AKAP9: variants seen among roughly 807,000 people sequenced by gnomAD.
AKAP9 encodes A-kinase anchoring protein 9, also known as A-kinase anchor protein 9.
AKAP9 carries 311 observed loss-of-function variants against 488.5 expected under a neutral mutation model. That is an observed-to-expected ratio of 0.64 (90% CI 0.58 to 0.70). The LOEUF (loss-of-function observed/expected upper bound fraction) is 0.70. Among genes scored for constraint, AKAP9 ranks in the 30% least tolerant of loss-of-function variants. The probability of loss-of-function intolerance (pLI) is 0.00; values close to 1 mark genes in which losing one functional copy is unlikely to be tolerated. For missense variants in AKAP9, 4,215 were observed against 4,374.5 expected, an observed-to-expected ratio of 0.96 and a Z score of 1.03; for synonymous variants, 1,462 against 1,483.5, an observed-to-expected ratio of 0.99 and a Z score of 0.33.
chr7:91,978,423 A>C (rs1010822462), intron 2 of AKAP9, among the ~76,000 whole-genome samples: 3 of 151,634 alleles, frequency 2.0e-5, no homozygotes, highest in African/African-American at 7.3e-5. Flanking sequence ...GAAAGGAGAC[A>C]GTGACAGTTA....
At chr7:91,985,126 C>T (rs1231556494) in intron 3 of AKAP9, among the ~76,000 whole-genome samples, 1 of 152,156 alleles carries the variant, frequency 6.6e-6, no homozygotes, top group Non-Finnish European at 1.5e-5. Flanking sequence ...GTCTGATTGC[C>T]CTGGCCAGAA....
At chr7:91,978,932 ATTTTTTTTTTTTTTTTTTTT>A (rs34097770) in intron 2 of AKAP9, among the ~76,000 whole-genome samples, 1 of 90,380 alleles carries the variant, frequency 1.1e-5, no homozygotes, top group African/African-American at 4.2e-5. Context: ...TAGTTTTTGT[ATTTTTTTTTTTTTTTTTTTT>A]TTTTTAGTAA....
In AKAP9 at chr7:92,097,722, T is replaced by C; in HGVS notation, c.10535T>C (p.Leu3512Ser). The stretch of plus-strand genomic sequence containing the variant: ...GGAGGAACCGGCTGTAATCATGAAT[T>C]AGAAATGATCAGACAAAAGCTTCAA... ...NGGGTGCNHE[L>S]EMIRQKLQCV... The change falls in exon 42 of 50, where the codon TTA becomes TCA. Residue 3512 changes from leucine to serine, a missense_variant. Coordinates refer to ENST00000356239, the MANE Select transcript of AKAP9 (RefSeq NM_005751.5). 6.2e-7 allele frequency: 1 copy of C among 1,614,176 alleles called. No homozygotes were observed. Among genetic ancestry groups the C allele is most frequent in the Non-Finnish European group, 8.5e-7 (1 of 1,180,028 alleles).
intron 20 of AKAP9, chr7:92,043,474 A>T (rs914569698): frequency 5.1e-5 from 19 of 371,514 alleles, no homozygotes; most frequent in African/African-American, 4.2e-4. Flanking sequence ...ACTATGCAGT[A>T]TTTAATTTCT....
chr7:92,041,179 C>T, intron 18 of AKAP9: 1 of 380,286 alleles, frequency 2.6e-6, no homozygotes, highest in Non-Finnish European at 4.7e-6. Context: ...GGAAAAGTGG[C>T]TACACGGTTT....
intron 1 of AKAP9, among the ~76,000 whole-genome samples, chr7:91,960,575 T>C (rs555792619): frequency 6.6e-6 from 1 of 152,338 alleles, no homozygotes; most frequent in South Asian, 2.1e-4. Context: ...TTAAATTAAA[T>C]TTTTTCTGTG....
chr7:92,074,674 A>C (rs1405302591), intron 28 of AKAP9, among the ~76,000 whole-genome samples: 1 of 152,204 alleles, frequency 6.6e-6, no homozygotes, highest in East Asian at 1.9e-4. Flanking sequence ...ATGGAATACT[A>C]TGAAGCCACA....
intron 1 of AKAP9, among the ~76,000 whole-genome samples, chr7:91,948,466 G>A (rs546930413): frequency 5.5e-4 from 83 of 151,086 alleles, no homozygotes; most frequent in Admixed American, 1.6e-3. Context: ...TTGTTTGTTT[G>A]TTTTGTTTTT....
At chr7:92,014,751 T>G (rs1397362926) in intron 10 of AKAP9, among the ~76,000 whole-genome samples, 1 of 152,258 alleles carries the variant, frequency 6.6e-6, no homozygotes, top group Non-Finnish European at 1.5e-5. Flanking sequence ...CCTTCAGAAC[T>G]GTGCCTAGAA....
At chr7:91,988,054 C>T (rs1797314321) in intron 3 of AKAP9, among the ~76,000 whole-genome samples, 2 of 151,780 alleles carry the variant, frequency 1.3e-5, no homozygotes, top group Non-Finnish European at 2.9e-5. Context: ...GTGGCGGGCA[C>T]ATGTAGTCCC....
Position 92,022,282 on chromosome 7 carries a change from A to C in AKAP9, c.3882A>C (p.Glu1294Asp). 2 of 1,613,758 alleles carry C rather than the reference A, an allele frequency of 1.2e-6. No individual in the cohort carries two copies. The highest frequency in any genetic ancestry group is 1.1e-5 in the South Asian group (1 of 91,080). The part of the protein sequence containing the change: ...QTDGMKLEFG[E>D]ENLPKEETEF... ...ATGGTATGAAACTTGAATTTGGAGAAGAAAACCTTCCAAAAGAGGAAACAG... is the reference window on the plus strand; with the variant it reads ...ATGGTATGAAACTTGAATTTGGAGACGAAAACCTTCCAAAAGAGGAAACAG... Residue 1294 changes from glutamate to aspartate, a missense_variant, in exon 13 of 50, where the codon GAA becomes GAC. Physicochemically the swap from Glu to Asp is conservative, Grantham distance 45. Transcript: ENST00000356239.
rs998380698 is a variant in AKAP9, at chr7:91,967,256, A to G, written c.49-6455A>G. 2.5e-4 allele frequency among the ~76,000 whole-genome samples: 38 copies of G among 152,140 alleles called. 1 individual carries two copies. The highest frequency in any genetic ancestry group is 1.2e-4 in the Non-Finnish European group (8 of 68,022). ...TTTTCTAAGTATAAGATCATATTGT[A>G]TGCAAATAAGGCTAAATTGACCTTT... On this transcript the variant is annotated intron_variant, in intron 1 of 49. Transcript: ENST00000356239.
intron 46 of AKAP9, among the ~76,000 whole-genome samples, 155 bp downstream of exon 46, chr7:92,102,981 T>C (rs891621809): frequency 7.9e-5 from 12 of 152,080 alleles, no homozygotes; most frequent in African/African-American, 2.9e-4. Context: ...TTTTTCTAGG[T>C]TTTCATTCAT....
intron 5 of AKAP9, 67 bp downstream of exon 5, chr7:91,993,122 A>G: frequency 6.4e-7 from 1 of 1,562,834 alleles, no homozygotes; most frequent in Non-Finnish European, 8.8e-7. Context: ...TGTGAATAAT[A>G]GTAGTCTTTA....
rs765144371 is a variant in AKAP9 at position 92,079,280 on chromosome 7, A to T, written c.7147A>T (p.Ser2383Cys). Residue 2383 changes from serine (S) to cysteine (C), a missense_variant, in exon 31 of 50, where the codon AGT becomes TGT. This residue lies in a region of AKAP9 where 1,476 missense variants were observed against 1,477.4 expected (regional missense o/e 1.00). Coordinates refer to ENST00000356239, the MANE Select transcript of AKAP9 (RefSeq NM_005751.5). ...TCATTCCCTCTCAGAAGAAGCAGAC[A>T]GTTTAAAACATCAATTGGATGTGGT... ...NAHSLSEEAD[S>C]LKHQLDVVIA... 1.2e-6 allele frequency: 2 copies of T among 1,614,006 alleles called. No individual in the cohort carries two copies. The highest frequency in any genetic ancestry group is 2.7e-5 in the African/African-American group (2 of 74,940).
At position 92,045,200 on chromosome 7, in the gene AKAP9, G is replaced by A. The variant is rs1806764669; in HGVS notation, c.5355G>A (p.Glu1785=). ...CATCTGTAAAGTCATGTGTCCATGA[G>A]GAACATACAAGAGGTACTAGTTTTC... is the stretch of plus-strand genomic sequence containing the variant. The part of the protein sequence containing the change: ...AEASVKSCVH[E]EHTRVTDESI... Residue 1785 remains glutamate (E), a synonymous_variant, in exon 21 of 50, where the codon GAG becomes GAA. Transcript: ENST00000356239. 6.2e-7 allele frequency: 1 copy of A among 1,613,450 alleles called. No homozygotes were observed.
chr7:92,008,574 C>A (rs1402303805), intron 8 of AKAP9, among the ~76,000 whole-genome samples: 1 of 151,264 alleles, frequency 6.6e-6, no homozygotes, highest in Non-Finnish European at 1.5e-5. Context: ...GTAATTCCAG[C>A]TACTCATGGG....
intron 1 of AKAP9, among the ~76,000 whole-genome samples, chr7:91,967,119 G>C (rs2130536936): frequency 6.6e-6 from 1 of 152,006 alleles, no homozygotes; most frequent in African/African-American, 2.4e-5. Flanking sequence ...TTTTCAGATT[G>C]TTTGCTGTTG....
intron 26 of AKAP9, among the ~76,000 whole-genome samples, chr7:92,068,169 G>A (rs1045697740): frequency 6.6e-6 from 1 of 151,366 alleles, no homozygotes; most frequent in Non-Finnish European, 1.5e-5. Context: ...GACCATCCTG[G>A]CTAACACAGT....
Sources: allele counts gnomAD v4.1 joint callset (sites outside exome capture counted in the v4.1 genomes callset), GRCh38; gene constraint gnomAD v4.1.1; regional missense constraint gnomAD v4.1.1; transcripts MANE v1.5; gene names NCBI Gene and HGNC (gene_info 2026-07-23, HGNC 2026-07-21).